Variants in MRAP2 observed in about 807,000 individuals in gnomAD.
MRAP2 encodes melanocortin 2 receptor accessory protein 2.
MRAP2 carries 20 observed loss-of-function variants against 17.4 expected under a neutral mutation model. The observed-to-expected ratio is 1.15, with a 90% confidence interval of 0.81 to 1.67. The LOEUF is 1.67. MRAP2 is among the 40% of genes most tolerant of loss of function. The pLI is 0.00. For missense variants in MRAP2, 238 were observed against 240.0 expected, an observed-to-expected ratio of 0.99 and a Z score of 0.05; for synonymous variants, 96 against 88.4, an observed-to-expected ratio of 1.09 and a Z score of -0.48.
chr6:84,143,157 C>A, the MRAP2 span, among the ~76,000 whole-genome samples: 1 of 152,036 alleles, frequency 6.6e-6, no homozygotes, highest in African/African-American at 2.4e-5. Flanking sequence ...TCCAAATATA[C>A]TGAAACATTA....
intron 3 of MRAP2, among the ~76,000 whole-genome samples, chr6:84,070,761 A>G (rs1157005075): frequency 6.6e-6 from 1 of 152,084 alleles, no homozygotes; most frequent in Non-Finnish European, 1.5e-5. Flanking sequence ...TTAGGTGCAT[A>G]TATGTTTAGG....
the MRAP2 span, among the ~76,000 whole-genome samples, chr6:84,119,446 C>T: frequency 6.6e-6 from 1 of 152,206 alleles, no homozygotes; most frequent in Non-Finnish European, 1.5e-5. Flanking sequence ...CAGCTGACTG[C>T]ATGATGAGGT....
chr6:84,099,165 C>CA, the MRAP2 span, among the ~76,000 whole-genome samples: 1 of 137,436 alleles, frequency 7.3e-6, no homozygotes, highest in Non-Finnish European at 1.6e-5. Flanking sequence ...AATGAGAGAT[C>CA]AAAAAAGATC....
chr6:84,066,545 G>T (rs1042123581), intron 3 of MRAP2, among the ~76,000 whole-genome samples: 2 of 152,132 alleles, frequency 1.3e-5, no homozygotes, highest in African/African-American at 4.8e-5. Context: ...TTTTAAGTTT[G>T]CCTATGATAA....
chr6:84,118,801 G>A, the MRAP2 span, among the ~76,000 whole-genome samples: 6,460 of 152,254 alleles, frequency 0.042, 198 homozygotes, highest in Admixed American at 0.086. Flanking sequence ...TCTTCCTAGG[G>A]CTGGATTTTT....
intron 2 of MRAP2, among the ~76,000 whole-genome samples, chr6:84,059,564 A>G (rs758862445): frequency 3.5e-4 from 53 of 152,314 alleles, no homozygotes; most frequent in Middle Eastern, 3.4e-3. Context: ...GTCCTACCCT[A>G]GATTGGGAAG....
At chr6:84,060,449 A>G (rs2099492821) in intron 2 of MRAP2, among the ~76,000 whole-genome samples, 1 of 152,220 alleles carries the variant, frequency 6.6e-6, no homozygotes, top group Admixed American at 6.5e-5. Flanking sequence ...CCTTCCTAAT[A>G]CACAGATTTG....
At chr6:84,134,825 C>A in the MRAP2 span, among the ~76,000 whole-genome samples, 4 of 151,690 alleles carry the variant, frequency 2.6e-5, no homozygotes, top group Non-Finnish European at 5.9e-5. Flanking sequence ...ACAGATTAAA[C>A]TTTTGATAAA....
At chr6:84,085,116 G>A (rs914268926) in intron 3 of MRAP2, among the ~76,000 whole-genome samples, 7 of 151,290 alleles carry the variant, frequency 4.6e-5, no homozygotes, top group African/African-American at 1.5e-4. Context: ...GTGCAGTGGC[G>A]CGATCTCGGC....
chr6:84,094,635 A>T (rs1588667912), downstream of MRAP2, among the ~76,000 whole-genome samples: 1 of 152,018 alleles, frequency 6.6e-6, no homozygotes, highest in Admixed American at 6.6e-5. Flanking sequence ...CATCTGCAGT[A>T]CCTTTAGTAT....
At chr6:84,045,407 C>G (rs932327806) in intron 1 of MRAP2, 2 of 984,404 alleles carry the variant, frequency 2.0e-6, no homozygotes, top group Middle Eastern at 5.2e-4. Context: ...GGAGCCACCT[C>G]CACGAATGAC....
chr6:84,089,511 A>G lies in MRAP2; in HGVS notation c.*30A>G. 2 of 1,583,000 alleles carry G rather than the reference A, an allele frequency of 1.3e-6. No homozygotes were observed. Among genetic ancestry groups the G allele is most frequent in the African/African-American group, 1.4e-5 (1 of 73,852 alleles). On this transcript the variant is annotated 3_prime_UTR_variant, in exon 4 of 4. Coordinates refer to ENST00000257776, the MANE Select transcript of MRAP2 (RefSeq NM_138409.4). ...CATGCTCTGTAAAGGGTCTTCCTGA[A>G]GATGTGGATTCTATCTTTATGTAGC...
At chr6:84,124,805 G>T in the MRAP2 span, 1 of 418,320 alleles carries the variant, frequency 2.4e-6, no homozygotes, top group Non-Finnish European at 4.2e-6. Flanking sequence ...TCTATTTCTA[G>T]CATACAAGTG....
chr6:84,135,255 A>C, the MRAP2 span, among the ~76,000 whole-genome samples: 3 of 152,212 alleles, frequency 2.0e-5, no homozygotes, highest in Non-Finnish European at 2.9e-5. Flanking sequence ...AAAAAGCATA[A>C]AAGCATATAT....
downstream of MRAP2, among the ~76,000 whole-genome samples, chr6:84,092,257 G>A (rs1372046420): frequency 2.0e-5 from 3 of 152,144 alleles, no homozygotes; most frequent in Non-Finnish European, 2.9e-5. Context: ...TGCCACATAA[G>A]GCTACATATT....
intron 3 of MRAP2, chr6:84,063,200 C>CT: frequency 1.0e-6 from 1 of 985,368 alleles, no homozygotes; most frequent in Non-Finnish European, 1.2e-6. Flanking sequence ...TTCAAGTGGA[C>CT]TTTTATGAAA....
intron 1 of MRAP2, among the ~76,000 whole-genome samples, chr6:84,039,520 A>T (rs1434235101): frequency 6.6e-6 from 1 of 152,192 alleles, no homozygotes; most frequent in Non-Finnish European, 1.5e-5. Flanking sequence ...TTGAGATATG[A>T]AGTAAAAAAG....
the MRAP2 span, among the ~76,000 whole-genome samples, chr6:84,110,563 C>CG: frequency 6.6e-6 from 1 of 152,180 alleles, no homozygotes; most frequent in Non-Finnish European, 1.5e-5. Flanking sequence ...GTTGCCTGTT[C>CG]ACTCTGATGA....
chr6:84,117,495 C>CT, the MRAP2 span, among the ~76,000 whole-genome samples: 7,237 of 146,428 alleles, frequency 0.049, 355 homozygotes, highest in African/African-American at 0.13. Flanking sequence ...TGGTCCTGGG[C>CT]TTTTTTTTTT....
Sources: gnomAD v4.1 joint callset for allele counts (sites outside exome capture counted in the v4.1 genomes callset) on GRCh38, gnomAD v4.1.1 for gene constraint, MANE v1.5 for transcripts, NCBI Gene and HGNC (gene_info 2026-07-23, HGNC 2026-07-21) for gene names.